MYO10: variants seen among roughly 807,000 people sequenced by gnomAD.
MYO10 encodes myosin X.
MYO10 carries 133 observed loss-of-function variants against 257.3 expected under a neutral mutation model. That is an observed-to-expected ratio of 0.52 (90% CI 0.45 to 0.60). The LOEUF (loss-of-function observed/expected upper bound fraction) is 0.60. Among genes scored for constraint, MYO10 ranks in the 20% least tolerant of loss-of-function variants. The probability of loss-of-function intolerance (pLI) is 0.00; values close to 1 mark genes in which losing one functional copy is unlikely to be tolerated. For missense variants in MYO10, 2,399 were observed against 2,635.7 expected (o/e 0.91, Z 1.97); for synonymous variants, 1,104 against 1,028.6 (o/e 1.07, Z -1.40).
At chr5:16,820,822 T>C (rs1331598422) in intron 2 of MYO10, among the ~76,000 whole-genome samples, 2 of 151,308 alleles carry the variant, frequency 1.3e-5, no homozygotes, top group African/African-American at 2.4e-5. Flanking sequence ...TACATATATG[T>C]AATATACACA....
At chr5:16,809,244 G>A (rs1742363695) in intron 3 of MYO10, among the ~76,000 whole-genome samples, 2 of 151,690 alleles carry the variant, frequency 1.3e-5, no homozygotes, top group Admixed American at 6.6e-5. Flanking sequence ...ACTGCACTGC[G>A]TTCATCTGTC....
chr5:16,762,644 GAAGA>G lies in MYO10; in HGVS notation c.1495-11_1495-8del. The G allele has an allele frequency of 1.3e-6, 2 of 1,575,634 alleles. No homozygotes were observed. Among genetic ancestry groups the G allele is most frequent in the Non-Finnish European group, 1.7e-6 (2 of 1,156,816 alleles). Reference sequence around the variant, plus strand: ...GGGCTAGGAGGCCAAGTTTCTAGAAGAAGAAAAAGAAAAAATGAATTAAAAGTTG... The same window carrying G: ...GGGCTAGGAGGCCAAGTTTCTAGAAGAAAAGAAAAAATGAATTAAAAGTTG... On this transcript the variant is annotated splice_polypyrimidine_tract_variant and splice_region_variant and intron_variant, in intron 14 of 40. Transcript: ENST00000513610.
intron 19 of MYO10, among the ~76,000 whole-genome samples, chr5:16,730,237 C>T (rs576108045): frequency 3.7e-4 from 57 of 152,306 alleles, no homozygotes; most frequent in Middle Eastern, 3.4e-3. Flanking sequence ...AGCCTCTAAA[C>T]AAACGCTTCT....
At chr5:16,677,551 G>A (rs939503790) in intron 33 of MYO10, among the ~76,000 whole-genome samples, 113 of 151,724 alleles carry the variant, frequency 7.4e-4, no homozygotes, top group Middle Eastern at 6.8e-3. Flanking sequence ...GAGTAGCTGG[G>A]ACTACAGGCG....
intron 19 of MYO10, among the ~76,000 whole-genome samples, chr5:16,732,970 C>T (rs915195322): frequency 6.6e-6 from 1 of 152,122 alleles, no homozygotes; most frequent in Non-Finnish European, 1.5e-5. Flanking sequence ...CCCATCTCTA[C>T]TAAAAGTACA....
intron 1 of MYO10, among the ~76,000 whole-genome samples, chr5:16,925,354 T>C (rs1400993596): frequency 6.6e-6 from 1 of 152,230 alleles, no homozygotes. Context: ...AAGATTCACA[T>C]AGACCTAATC....
intron 30 of MYO10, 23 bp downstream of exon 30, chr5:16,683,857 T>C: frequency 6.2e-7 from 1 of 1,612,946 alleles, no homozygotes; most frequent in Non-Finnish European, 8.5e-7. Flanking sequence ...GCTGTTTTTG[T>C]TAAGAGCCAC....
At chr5:16,896,033 G>C (rs957052675) in intron 1 of MYO10, among the ~76,000 whole-genome samples, 4 of 152,110 alleles carry the variant, frequency 2.6e-5, no homozygotes, top group African/African-American at 9.7e-5. Context: ...CAACACTCCT[G>C]GCCTCGCTTC....
intron 2 of MYO10, among the ~76,000 whole-genome samples, chr5:16,860,146 G>A (rs568256919): frequency 2.6e-5 from 4 of 152,164 alleles, no homozygotes; most frequent in Admixed American, 6.5e-5. Flanking sequence ...TTCTGTTTTA[G>A]ACACAAAAAG....
intron 27 of MYO10, among the ~76,000 whole-genome samples, chr5:16,690,331 TGG>T (rs2126521065): frequency 1.3e-5 from 2 of 151,886 alleles, no homozygotes; most frequent in African/African-American, 4.8e-5. Flanking sequence ...TGCAGTGGGG[TGG>T]GGAGTGGGGT....
intron 19 of MYO10, among the ~76,000 whole-genome samples, chr5:16,723,081 T>C (rs1179436857): frequency 6.6e-6 from 1 of 152,036 alleles, no homozygotes; most frequent in African/African-American, 2.4e-5. Flanking sequence ...ATTGGGGAAT[T>C]ACAAATTAAA....
intron 40 of MYO10, among the ~76,000 whole-genome samples, chr5:16,667,771 TTA>T (rs1393537321): frequency 3.3e-5 from 5 of 152,146 alleles, no homozygotes; most frequent in Admixed American, 6.6e-5. Context: ...GCTTCTTGTA[TTA>T]TATTTTTTAA....
At chr5:16,893,648 A>AAAAAAAAAAG (rs1554006833) in intron 1 of MYO10, among the ~76,000 whole-genome samples, 1 of 146,780 alleles carries the variant, frequency 6.8e-6, no homozygotes, top group African/African-American at 2.6e-5. Context: ...AAAAAAAAAA[A>AAAAAAAAAAG]AAAAGAAAAT....
At chr5:16,876,218 C>G (rs192366963) in intron 2 of MYO10, among the ~76,000 whole-genome samples, 12 of 152,288 alleles carry the variant, frequency 7.9e-5, no homozygotes, top group Admixed American at 7.2e-4. Flanking sequence ...ATATGTACCT[C>G]TGAGGTAGAG....
At chr5:16,723,638 T>TA (rs1314360809) in intron 19 of MYO10, among the ~76,000 whole-genome samples, 3 of 152,168 alleles carry the variant, frequency 2.0e-5, no homozygotes, top group Admixed American at 1.3e-4. Context: ...GGCAAAAACT[T>TA]ACGTCCACAC....
At chr5:16,912,802 G>A (rs1205682720) in intron 1 of MYO10, among the ~76,000 whole-genome samples, 3 of 111,594 alleles carry the variant, frequency 2.7e-5, no homozygotes, top group Non-Finnish European at 5.3e-5. Flanking sequence ...CTACCACCCT[G>A]CACACACACA....
intron 21 of MYO10, among the ~76,000 whole-genome samples, chr5:16,709,839 G>A (rs995090561): frequency 7.9e-5 from 12 of 152,108 alleles, no homozygotes; most frequent in African/African-American, 1.7e-4. Context: ...TCTCTACCCT[G>A]TTTTGTGTTT....
At chr5:16,717,592 G>A (rs538191578) in intron 19 of MYO10, among the ~76,000 whole-genome samples, 2 of 152,334 alleles carry the variant, frequency 1.3e-5, no homozygotes, top group African/African-American at 4.8e-5. Context: ...AGAGAATAAA[G>A]AAGAGCTTTT....
At chr5:16,725,746 T>C (rs1164497427) in intron 19 of MYO10, among the ~76,000 whole-genome samples, 2 of 151,862 alleles carry the variant, frequency 1.3e-5, no homozygotes, top group African/African-American at 2.4e-5. Flanking sequence ...CTGAGTCATA[T>C]CATACAGCAA....
Sources: allele counts gnomAD v4.1 joint callset (sites outside exome capture counted in the v4.1 genomes callset), GRCh38; gene constraint gnomAD v4.1.1; transcripts MANE v1.5; gene names NCBI Gene and HGNC (gene_info 2026-07-23, HGNC 2026-07-21).